The following DMD variants were observed in gnomAD, a reference collection of about 807,000 sequenced individuals.
DMD encodes the protein dystrophin.
In DMD, 63 loss-of-function variants were observed where a neutral mutation model predicts 330.1. That is an observed-to-expected ratio of 0.19 (90% confidence interval 0.16 to 0.24). The LOEUF is 0.24. Among genes scored for constraint, DMD ranks in the 10% least tolerant of loss-of-function variants. DMD has a pLI of 1.00. For missense variants in DMD, 3,344 were observed against 2,684.1 expected, an observed-to-expected ratio of 1.25 and a Z score of -5.43; for synonymous variants, 1,223 against 959.8, an observed-to-expected ratio of 1.27 and a Z score of -5.07.
chrX:31,658,195 C>T, intron 53 of DMD, 51 bp from the exon 54 acceptor site: 1 of 1,167,639 alleles, frequency 8.6e-7, no homozygotes, highest in Non-Finnish European at 1.2e-6. Context: ...TTTATGAAAT[C>T]TCTAGTTGGA....
rs760328537 is a variant in DMD, at chrX:32,442,803, G to A, written c.3787-1489C>T. Among the ~76,000 whole-genome samples the A allele has an allele frequency of 5.4e-5, 6 of 110,469 alleles. No homozygotes were observed. In the South Asian group the frequency reaches 1.9e-3, roughly 35 times the overall value. On this transcript the variant is annotated intron_variant, in intron 27 of 78. Coordinates refer to ENST00000357033, the MANE Select transcript of DMD (RefSeq NM_004006.3). The stretch of plus-strand genomic sequence containing the variant: ...TCATCTTTAAACAGAGAATACAGAC[G>A]TGACAATGAAAAATCTCATCAAAAA...
chrX:31,749,544 T>G (rs2088268030), intron 51 of DMD, among the ~76,000 whole-genome samples: 1 of 109,357 alleles, frequency 9.1e-6, no homozygotes, highest in Non-Finnish European at 1.9e-5. Flanking sequence ...AGTCTATCAT[T>G]GTTGGACATT....
At chrX:33,174,525 C>T (rs1245683361) in intron 1 of DMD, among the ~76,000 whole-genome samples, 1 of 111,250 alleles carries the variant, frequency 9.0e-6, no homozygotes, top group Non-Finnish European at 1.9e-5. Flanking sequence ...CTTATATTTG[C>T]ATATATTAAC....
At chrX:32,588,222 C>A (rs2056394146) in intron 13 of DMD, among the ~76,000 whole-genome samples, 1 of 112,014 alleles carries the variant, frequency 8.9e-6, no homozygotes, top group Non-Finnish European at 1.9e-5. Flanking sequence ...AAGAGTAAAG[C>A]ACATTAATAT....
intron 2 of DMD, among the ~76,000 whole-genome samples, chrX:32,898,867 G>C (rs752084561): frequency 1.8e-5 from 2 of 111,409 alleles, no homozygotes; most frequent in East Asian, 5.7e-4. Flanking sequence ...TCCTACCTCA[G>C]GCTTGCACAG....
At chrX:33,051,900 C>A (rs745530490) in intron 1 of DMD, among the ~76,000 whole-genome samples, 1 of 110,413 alleles carries the variant, frequency 9.1e-6, no homozygotes, top group Non-Finnish European at 1.9e-5. Flanking sequence ...CTGCCCGCCT[C>A]GGCCTCCCAA....
intron 30 of DMD, among the ~76,000 whole-genome samples, chrX:32,404,898 T>C (rs1377629652): frequency 2.7e-5 from 3 of 111,568 alleles, no homozygotes; most frequent in African/African-American, 9.7e-5. Context: ...TCTTTTTGTC[T>C]AAATTAAAAT....
chrX:32,487,368 T>C (rs2042585625), intron 20 of DMD, among the ~76,000 whole-genome samples: 1 of 111,516 alleles, frequency 9.0e-6, no homozygotes, highest in South Asian at 3.7e-4. Context: ...AAAAAAATAC[T>C]TGAGGGTTAG....
At chrX:32,494,903 A>T (rs2043337931) in intron 19 of DMD, among the ~76,000 whole-genome samples, 1 of 111,332 alleles carries the variant, frequency 9.0e-6, no homozygotes. Flanking sequence ...TGAGACCAGG[A>T]GTTCGAGGCT....
chrX:33,119,232 T>C (rs1375664082), intron 1 of DMD, among the ~76,000 whole-genome samples: 1 of 112,363 alleles, frequency 8.9e-6, no homozygotes, highest in Non-Finnish European at 1.9e-5. Flanking sequence ...ATGTCATATA[T>C]ATGTTTTATA....
intron 20 of DMD, among the ~76,000 whole-genome samples, chrX:32,488,618 C>G (rs3805048): frequency 0.012 from 1,336 of 111,538 alleles, 9 homozygotes; most frequent in South Asian, 0.066. Context: ...ACCAATGGGT[C>G]TGAGAGAAAG....
chrX:32,719,773 G>C (rs918713876), intron 7 of DMD, among the ~76,000 whole-genome samples: 2 of 109,812 alleles, frequency 1.8e-5, no homozygotes, highest in African/African-American at 6.6e-5. Context: ...ACTGTTATCA[G>C]TCAGTCAATA....
chrX:31,260,981 T>G lies in DMD; in HGVS notation c.9260A>C (p.Lys3087Thr). ...TAAAGACTGGTAGAGCTCTGTCATT[T>G]TGGGATGGTCCCAGCAAGTTGTTTG... is the stretch of plus-strand genomic sequence containing the variant. ...ETQTTCWDHP[K>T]MTELYQSLAD... Residue 3087 changes from lysine to threonine, a missense_variant, in exon 63 of 79, where the codon AAA (lysine) becomes ACA (threonine). Transcript: ENST00000357033. 8.3e-7 allele frequency: 1 copy of G among 1,211,656 alleles called. No homozygotes were observed.
intron 55 of DMD, among the ~76,000 whole-genome samples, chrX:31,586,403 C>T (rs182777984): frequency 9.8e-5 from 11 of 112,594 alleles, no homozygotes; most frequent in African/African-American, 3.2e-4. Flanking sequence ...CAGAATTCTT[C>T]TTTCCATGTG....
chrX:33,287,316 T>C (rs1357878649), intron 1 of DMD, among the ~76,000 whole-genome samples: 3 of 110,483 alleles, frequency 2.7e-5, no homozygotes, highest in East Asian at 2.9e-4. Flanking sequence ...TCCTTTGCAT[T>C]GTAGGATGTT....
chrX:31,186,637 C>A (rs910484623), intron 67 of DMD, among the ~76,000 whole-genome samples: 3 of 112,062 alleles, frequency 2.7e-5, no homozygotes, highest in Non-Finnish European at 5.6e-5. Flanking sequence ...AGACAGGTAC[C>A]CCTGAACTTA....
intron 7 of DMD, among the ~76,000 whole-genome samples, chrX:32,723,679 C>A (rs190796417): frequency 0.017 from 1,847 of 110,777 alleles, 43 homozygotes; most frequent in African/African-American, 0.057. Context: ...CATACCAAAA[C>A]AGTTATTATG....
intron 9 of DMD, among the ~76,000 whole-genome samples, chrX:32,691,896 A>C (rs777172002): frequency 1.8e-5 from 2 of 111,909 alleles, no homozygotes; most frequent in Non-Finnish European, 1.9e-5. Context: ...AAGTGAAATA[A>C]GACAGTCACA....
chrX:31,336,561 C>T (rs761879306), intron 61 of DMD, among the ~76,000 whole-genome samples: 2 of 112,517 alleles, frequency 1.8e-5, no homozygotes, highest in Non-Finnish European at 3.8e-5. Context: ...GCCCCAAATG[C>T]CAATAGTGCC....
Sources: gnomAD v4.1 joint callset for allele counts (sites outside exome capture counted in the v4.1 genomes callset) on GRCh38, gnomAD v4.1.1 for gene constraint, MANE v1.5 for transcripts, NCBI Gene and HGNC (gene_info 2026-07-23, HGNC 2026-07-21) for gene names.